The following CREB3L1 variants were observed in gnomAD, a reference collection of about 807,000 sequenced individuals.
CREB3L1 encodes the protein cyclic AMP-responsive element-binding protein 3-like protein 1.
In CREB3L1, 33 loss-of-function variants were observed where a neutral mutation model predicts 54.5. The ratio of observed to expected loss-of-function variants is 0.61; its 90% confidence interval spans 0.46 to 0.81. The LOEUF is 0.81. Among genes scored for constraint, CREB3L1 ranks in the 30% least tolerant of loss-of-function variants. CREB3L1 has a pLI of 0.00. For missense variants in CREB3L1, 656 were observed against 673.3 expected (o/e 0.97, Z 0.29); for synonymous variants, 284 against 286.4 (o/e 0.99, Z 0.08).
chr11:46,321,213 C>T lies in CREB3L1; in HGVS notation c.*467C>T, dbSNP rs1939648332. 1.9e-5 allele frequency: 6 copies of T among 315,410 alleles called. No homozygotes were observed. In the South Asian group the frequency reaches 3.1e-4, roughly 16 times the overall value. The allele number at this position is 315,410 out of a possible 1,614,324, so 19.5% of individuals were successfully genotyped here. On this transcript the variant is annotated 3_prime_UTR_variant, in exon 12 of 12. Transcript: ENST00000621158. The stretch of plus-strand genomic sequence containing the variant: ...TTTACAAATCTCCCTCTTCCCTTCG[C>T]CCCTCCCTTGTTTTATATTTTATGA...
intron 9 of CREB3L1, 79 bp from the exon 10 acceptor site, chr11:46,317,282 T>C: frequency 6.3e-7 from 1 of 1,576,522 alleles, no homozygotes; most frequent in Non-Finnish European, 8.7e-7. Flanking sequence ...CCTGTTGGTT[T>C]GGGAGAGGAG....
Position 46,295,146 on chromosome 11 carries a change from G to C in CREB3L1, c.103-4789G>C, listed in dbSNP as rs1939189908. On this transcript the variant is annotated intron_variant, in intron 1 of 11. Transcript: ENST00000621158. This position sits in a 1 kb window ranked among gnomAD's most constrained non-coding sequence, Gnocchi z 4.6. ...AAGAGGGCGCGCTGAGGCTGCTTCTGGTCAGGGAAACCATTCTCCTACACC... is the reference window on the plus strand; with the variant it reads ...AAGAGGGCGCGCTGAGGCTGCTTCTCGTCAGGGAAACCATTCTCCTACACC... The C allele has an allele frequency of 1.3e-5, 2 of 152,364 alleles. No homozygotes were observed. The highest frequency in any genetic ancestry group is 1.5e-5 in the Non-Finnish European group (1 of 68,218). 9.4% of individuals were successfully genotyped at this position (152,364 alleles called of 1,614,324 possible). A position where few individuals can be genotyped will look rare whatever the true frequency, so the allele number is the denominator to read the frequency against.
chr11:46,298,112 A>G (rs1939240025), intron 1 of CREB3L1, among the ~76,000 whole-genome samples: 1 of 152,220 alleles, frequency 6.6e-6, no homozygotes, highest in Non-Finnish European at 1.5e-5. Context: ...AAGCACGTCT[A>G]TGTGACTCCA....
rs146473564 is a variant in CREB3L1, at chr11:46,289,340, C to T, written c.103-10595C>T. On this transcript the variant is annotated intron_variant, in intron 1 of 11. Coordinates refer to ENST00000621158, the MANE Select transcript of CREB3L1 (RefSeq NM_052854.4). ...GTTGCAGTGACCCAAGATGGTACCA[C>T]TGCACTCCAGCCTGGGCAACAGAGT... 7.6e-3 allele frequency among the ~76,000 whole-genome samples: 1,157 copies of T among 152,316 alleles called. 18 individuals are homozygous for T. The highest frequency in any genetic ancestry group is 0.027 in the African/African-American group (1,114 of 41,566).
intron 8 of CREB3L1, among the ~76,000 whole-genome samples, chr11:46,314,973 T>C (rs1011453444): frequency 1.3e-5 from 2 of 152,088 alleles, no homozygotes; most frequent in Non-Finnish European, 2.9e-5. Flanking sequence ...CTCCCACAAG[T>C]GCTGAAATTA....
rs1939645928 is a variant in CREB3L1 at position 46,321,052 on chromosome 11, C to A, written c.*306C>A. 3 of 588,660 alleles carry A rather than the reference C, an allele frequency of 5.1e-6. No homozygotes were observed. Among genetic ancestry groups the A allele is most frequent in the Middle Eastern group, 4.5e-4 (1 of 2,228 alleles). 36.5% of individuals were successfully genotyped at this position (588,660 alleles called of 1,614,324 possible). A position where few individuals can be genotyped will look rare whatever the true frequency, so the allele number is the denominator to read the frequency against. On this transcript the variant is annotated 3_prime_UTR_variant, in exon 12 of 12. Transcript: ENST00000621158. ...TGCCTCCCTGCCCCCACACCTGCAC[C>A]CAAACAGACACATCAACGCACCCCA...
intron 1 of CREB3L1, among the ~76,000 whole-genome samples, chr11:46,291,200 T>C (rs1939124532): frequency 6.6e-6 from 1 of 152,148 alleles, no homozygotes; most frequent in Non-Finnish European, 1.5e-5. Context: ...GACAAATGAA[T>C]GACTCTGGAA....
Position 46,277,960 on chromosome 11 carries a change from C to T in CREB3L1, c.-152C>T, listed in dbSNP as rs576557908. On this transcript the variant is annotated 5_prime_UTR_variant, in exon 1 of 12. Transcript: ENST00000621158. ...GCGCCCCGCGCCCCCCACCCGGGGC[C>T]GCGCCGCCTCCGTCCGCCCCTCCCC... is the stretch of plus-strand genomic sequence containing the variant. The T allele has an allele frequency of 7.2e-6, 3 of 417,340 alleles. No individual in the cohort carries two copies. The highest frequency in any genetic ancestry group is 9.0e-5 in the South Asian group (1 of 11,080). 25.9% of individuals were successfully genotyped at this position (417,340 alleles called of 1,614,324 possible).
intron 1 of CREB3L1, among the ~76,000 whole-genome samples, chr11:46,288,428 T>G (rs942632182): frequency 6.6e-6 from 1 of 152,208 alleles, no homozygotes; most frequent in Non-Finnish European, 1.5e-5. Flanking sequence ...TGGTCCCCCT[T>G]GCTGTTTTTA....
At chr11:46,279,646 C>A (rs1402068663) in intron 1 of CREB3L1, among the ~76,000 whole-genome samples, 1 of 152,116 alleles carries the variant, frequency 6.6e-6, no homozygotes, top group Non-Finnish European at 1.5e-5. Flanking sequence ...TCAGGTCTTC[C>A]TATAGATGGT....
At chr11:46,290,694 G>A (rs905058473) in intron 1 of CREB3L1, among the ~76,000 whole-genome samples, 8 of 151,926 alleles carry the variant, frequency 5.3e-5, no homozygotes, top group Non-Finnish European at 1.0e-4. Flanking sequence ...GGTGCCAGAG[G>A]GACAGTGTAC....
Position 46,316,370 on chromosome 11 carries a change from T to C in CREB3L1, c.1116T>C (p.Thr372=), listed in dbSNP as rs765178001. Residue 372 remains threonine (T), a synonymous_variant, in exon 9 of 12, where the codon ACT becomes ACC. Transcript: ENST00000621158. Reference sequence around the variant, plus strand: ...CTTACAAGATGGCCGCCACCCAGACTGGGACCTGCCTCATGGTAGGTGTGG... The same window carrying C: ...CTTACAAGATGGCCGCCACCCAGACCGGGACCTGCCTCATGGTAGGTGTGG... ...SRPYKMAATQ[T]GTCLMVAALC... The C allele has an allele frequency of 1.3e-6, 2 of 1,566,330 alleles. No individual in the cohort carries two copies. Among genetic ancestry groups the C allele is most frequent in the Admixed American group, 3.8e-5 (2 of 53,314 alleles).
chr11:46,294,686 C>T (rs1171504751), intron 1 of CREB3L1, among the ~76,000 whole-genome samples: 2 of 152,064 alleles, frequency 1.3e-5, no homozygotes, highest in Admixed American at 1.3e-4. Context: ...TGCTGACAAC[C>T]GGGGACTCAA....
In CREB3L1 at chr11:46,311,112, C is replaced by A; in HGVS notation, c.676C>A (p.Pro226Thr). The A allele has an allele frequency of 1.2e-6, 2 of 1,607,252 alleles. No homozygotes were observed. The highest frequency in any genetic ancestry group is 1.7e-6 in the Non-Finnish European group (2 of 1,178,884). The change falls in exon 5 of 12, where the codon CCC becomes ACC. Residue 226 changes from proline to threonine, a missense_variant. Physicochemically the swap from Pro to Thr is conservative, Grantham distance 38. Transcript: ENST00000621158. ...CGGCTCCCAGAGTCCCCGCTCTCTG[C>A]CCCCCTCCAGCCCTGTCAGGCCCAT... ...SDGSQSPRSL[P>T]PSSPVRPMAR...
At chr11:46,297,235 G>A (rs926484342) in intron 1 of CREB3L1, among the ~76,000 whole-genome samples, 1 of 152,238 alleles carries the variant, frequency 6.6e-6, no homozygotes. Context: ...TGGGTGGTTG[G>A]GGGGTGGTTA....
chr11:46,289,277 G>A (rs1331853974), intron 1 of CREB3L1, among the ~76,000 whole-genome samples: 7 of 152,196 alleles, frequency 4.6e-5, no homozygotes, highest in Non-Finnish European at 1.0e-4. Flanking sequence ...TACTTGAGAG[G>A]CTGAGGCAGG....
At position 46,320,848 on chromosome 11, in the gene CREB3L1, T is replaced by C. The variant is rs1939641182; in HGVS notation, c.*102T>C. ...CCTCGTGCCCCTGCCTCCTGGAGCTTCCCATTCCAGGAGAAAAGGCTCCAC... is the reference window on the plus strand; with the variant it reads ...CCTCGTGCCCCTGCCTCCTGGAGCTCCCCATTCCAGGAGAAAAGGCTCCAC... On this transcript the variant is annotated 3_prime_UTR_variant, in exon 12 of 12. Coordinates refer to ENST00000621158, the MANE Select transcript of CREB3L1 (RefSeq NM_052854.4). The C allele has an allele frequency of 1.6e-6, 2 of 1,268,874 alleles. No individual in the cohort carries two copies. Among genetic ancestry groups the C allele is most frequent in the African/African-American group, 1.5e-5 (1 of 67,308 alleles). 78.6% of individuals were successfully genotyped at this position (1,268,874 alleles called of 1,614,324 possible).
At chr11:46,306,587 A>G (rs1485927259) in intron 2 of CREB3L1, among the ~76,000 whole-genome samples, 3 of 151,704 alleles carry the variant, frequency 2.0e-5, no homozygotes, top group Admixed American at 2.0e-4. Flanking sequence ...ACATCTCTGA[A>G]CTAACCCAGC....
intron 1 of CREB3L1, among the ~76,000 whole-genome samples, chr11:46,279,849 T>C (rs1246385747): frequency 1.3e-5 from 2 of 152,228 alleles, no homozygotes; most frequent in African/African-American, 2.4e-5. Flanking sequence ...TTCTTCTGAA[T>C]GAACTCGGCC....
Sources: gnomAD v4.1 joint callset for allele counts (sites outside exome capture counted in the v4.1 genomes callset) on GRCh38, gnomAD v4.1.1 for gene constraint, Gnocchi (gnomAD v3.1) non-coding constraint, MANE v1.5 for transcripts, NCBI Gene and HGNC (gene_info 2026-07-23, HGNC 2026-07-21) for gene names.